KIAA1671: variants seen among roughly 807,000 people sequenced by gnomAD.
KIAA1671 encodes uncharacterized protein KIAA1671.
In KIAA1671, 52 loss-of-function variants were observed where a neutral mutation model predicts 131.2. The ratio of observed to expected loss-of-function variants is 0.40; its 90% CI spans 0.32 to 0.50. The LOEUF (loss-of-function observed/expected upper bound fraction) is 0.50. Among genes scored for constraint, KIAA1671 ranks in the 20% least tolerant of loss-of-function variants. KIAA1671 has a pLI of 0.73. For synonymous variants in KIAA1671, 1,003 were observed against 961.6 expected (o/e 1.04, Z -0.80); for missense variants, 2,360 against 2,364.2 (o/e 1.00, Z 0.04).
chr22:25,164,561 C>A (rs1933572476), intron 6 of KIAA1671, among the ~76,000 whole-genome samples: 1 of 152,198 alleles, frequency 6.6e-6, no homozygotes. Flanking sequence ...CACCTGCCTG[C>A]AGTCACTAAG....
chr22:24,995,143 C>T (rs982952999), intron 1 of KIAA1671, among the ~76,000 whole-genome samples: 2 of 151,436 alleles, frequency 1.3e-5, no homozygotes, highest in Admixed American at 6.6e-5. Context: ...CTCCGCCTCC[C>T]GGGTTCACGC....
chr22:25,080,866 G>A (rs1929366587), intron 6 of KIAA1671, among the ~76,000 whole-genome samples: 1 of 152,114 alleles, frequency 6.6e-6, no homozygotes, highest in Non-Finnish European at 1.5e-5. Context: ...CCCAAGCCTA[G>A]ACTTCCACTT....
intron 6 of KIAA1671, among the ~76,000 whole-genome samples, chr22:25,098,962 C>G (rs1174113471): frequency 6.6e-6 from 1 of 152,142 alleles, no homozygotes; most frequent in Non-Finnish European, 1.5e-5. Flanking sequence ...GAGGCGTGCT[C>G]TGCAAGTGGA....
intron 1 of KIAA1671, among the ~76,000 whole-genome samples, chr22:24,988,656 A>G (rs1923677208): frequency 6.6e-6 from 1 of 151,088 alleles, no homozygotes; most frequent in Non-Finnish European, 1.5e-5. Context: ...GAATCTCTTG[A>G]ACCTGGGAAG....
chr22:25,100,841 C>T (rs1377207659), intron 6 of KIAA1671, among the ~76,000 whole-genome samples: 2 of 152,122 alleles, frequency 1.3e-5, no homozygotes, highest in Non-Finnish European at 2.9e-5. Context: ...CTGTTGAAGT[C>T]AGAAGGATGG....
chr22:25,090,617 G>A (rs1482836931), intron 6 of KIAA1671, among the ~76,000 whole-genome samples: 1 of 152,264 alleles, frequency 6.6e-6, no homozygotes. Context: ...TTCTGCCTCT[G>A]TAAGGCAAGA....
rs1926777565 is a variant in KIAA1671, at chr22:25,039,189, A to G, written c.2059A>G (p.Thr687Ala). The G allele has an allele frequency of 2.6e-6, 4 of 1,551,938 alleles. No individual in the cohort carries two copies. The African/African-American group carries it at 4.1e-5, about 16-fold the overall frequency. ...DNPETEKLGPTTLLNGELRPY... is the reference protein window; with the variant it reads ...DNPETEKLGPATLLNGELRPY... ...TCCCGAGACGGAGAAATTGGGACCA[A>G]CCACCCTTTTGAATGGTGAACTGAG... The change falls in exon 5 of 13, where the codon ACC (threonine) becomes GCC (alanine). Residue 687 changes from threonine (T) to alanine (A), a missense_variant. By Grantham distance (58) the Thr-to-Ala change is moderately conservative (BLOSUM62 0). This residue lies in a region of KIAA1671 where 1,185 missense variants were observed against 1,126.2 expected (regional missense o/e 1.05). Transcript: ENST00000358431.
At chr22:24,971,729 G>A (rs1922625985) in intron 1 of KIAA1671, among the ~76,000 whole-genome samples, 1 of 152,080 alleles carries the variant, frequency 6.6e-6, no homozygotes, top group Non-Finnish European at 1.5e-5. Context: ...ATTTTTTTGG[G>A]GGGGTCGTGG....
Position 25,041,397 on chromosome 22 carries a change from T to A in KIAA1671, c.4267T>A (p.Ser1423Thr). The A allele has an allele frequency of 6.4e-7, 1 of 1,551,730 alleles. No homozygotes were observed. Among genetic ancestry groups the A allele is most frequent in the Non-Finnish European group, 8.7e-7 (1 of 1,147,006 alleles). ...CCCTGCCAACATCCGAGAGGGCCTG[T>A]CCATCATGCATGAAGCCAGAGAGAG... is the stretch of plus-strand genomic sequence containing the variant. ...GPPANIREGL[S>T]IMHEARERRR... Residue 1423 changes from serine to threonine, a missense_variant, in exon 5 of 13, where the codon TCC (serine) becomes ACC (threonine). This residue lies in a region of KIAA1671 where 1,161 missense variants were observed against 1,204.7 expected (regional missense o/e 0.96). Coordinates refer to ENST00000358431, the MANE Select transcript of KIAA1671 (RefSeq NM_001145206.2).
chr22:25,041,173 C>T lies in KIAA1671; in HGVS notation c.4043C>T (p.Ser1348Leu). 1.3e-6 allele frequency: 2 copies of T among 1,551,734 alleles called. No individual in the cohort carries two copies. Among genetic ancestry groups the T allele is most frequent in the South Asian group, 1.2e-5 (1 of 84,058 alleles). The change falls in exon 5 of 13, where the codon TCA becomes TTA. Residue 1348 changes from serine to leucine, a missense_variant. This residue lies in a region of KIAA1671 where 1,161 missense variants were observed against 1,204.7 expected (regional missense o/e 0.96). Transcript: ENST00000358431. ...VAKCQNYLAE[S>L]KPSGREDPGS... ...AAGTGTCAGAATTACCTGGCTGAGTCAAAGCCCTCTGGTCGGGAGGATCCA... is the reference window on the plus strand; with the variant it reads ...AAGTGTCAGAATTACCTGGCTGAGTTAAAGCCCTCTGGTCGGGAGGATCCA...
At chr22:25,155,437 G>T (rs1933197893) in intron 6 of KIAA1671, among the ~76,000 whole-genome samples, 1 of 151,752 alleles carries the variant, frequency 6.6e-6, no homozygotes, top group Admixed American at 6.6e-5. Context: ...GTGTGGGGGG[G>T]TTTTTGTAGG....
At chr22:25,021,831 G>A (rs1925686453) in intron 1 of KIAA1671, among the ~76,000 whole-genome samples, 1 of 151,532 alleles carries the variant, frequency 6.6e-6, no homozygotes, top group Non-Finnish European at 1.5e-5. Flanking sequence ...CTGTTGCCCA[G>A]GCTGGAGTGC....
chr22:24,987,891 T>G (rs1270920434), intron 1 of KIAA1671, among the ~76,000 whole-genome samples: 1 of 152,186 alleles, frequency 6.6e-6, no homozygotes, highest in Non-Finnish European at 1.5e-5. Flanking sequence ...CCTTGTAGTC[T>G]CTGACCCCTG....
At chr22:25,168,112 G>A (rs1290443405) in intron 6 of KIAA1671, among the ~76,000 whole-genome samples, 1 of 152,206 alleles carries the variant, frequency 6.6e-6, no homozygotes, top group Non-Finnish European at 1.5e-5. Context: ...CCTGAGAAGA[G>A]GCTGGCTCCC....
In KIAA1671 at chr22:25,174,119, G is replaced by A. The variant is rs907035537; in HGVS notation, c.4650-121G>A. On this transcript the variant is annotated intron_variant, in intron 7 of 12. Transcript: ENST00000358431. ...GGTCTTCTGCTGGGATGTTCTGTCTGTTGTTACTTGGCTTATAAAACATAA... is the reference window on the plus strand; with the variant it reads ...GGTCTTCTGCTGGGATGTTCTGTCTATTGTTACTTGGCTTATAAAACATAA... 3 of 1,101,380 alleles carry A rather than the reference G, an allele frequency of 2.7e-6. No individual in the cohort carries two copies. The African/African-American group carries it at 4.7e-5, about 17-fold the overall frequency. 68.2% of individuals were successfully genotyped at this position (1,101,380 alleles called of 1,614,324 possible). A position where few individuals can be genotyped will look rare whatever the true frequency, so the allele number is the denominator to read the frequency against.
chr22:24,974,118 A>G (rs1310960812), intron 1 of KIAA1671, among the ~76,000 whole-genome samples: 1 of 152,038 alleles, frequency 6.6e-6, no homozygotes, highest in East Asian at 1.9e-4. Context: ...CCTTTCAGGA[A>G]AGGATTTATC....
Position 25,197,009 on chromosome 22 carries a change from TTCTGGG to T in KIAA1671, c.*4611_*4616del. 2 of 152,272 alleles carry T rather than the reference TTCTGGG, an allele frequency of 1.3e-5. No homozygotes were observed. Among genetic ancestry groups the T allele is most frequent in the African/African-American group, 4.8e-5 (2 of 41,552 alleles). The allele number at this position is 152,272 out of a possible 1,614,324, so 9.4% of individuals were successfully genotyped here. A position where few individuals can be genotyped will look rare whatever the true frequency, so the allele number is the denominator to read the frequency against. ...ATAGTATATATTTTCCTAACCTTTC[TTCTGGG>T]TCCTTCCTCAGATCTTTGAGTCACG... On this transcript the variant is annotated 3_prime_UTR_variant, in exon 13 of 13. Coordinates refer to ENST00000358431, the MANE Select transcript of KIAA1671 (RefSeq NM_001145206.2).
rs578141307 is a variant in KIAA1671, at chr22:25,135,503, G to A, written c.4531-35317G>A. 1.2e-4 allele frequency among the ~76,000 whole-genome samples: 19 copies of A among 152,232 alleles called. No homozygotes were observed. The South Asian group carries it at 3.3e-3, about 27-fold the overall frequency. On this transcript the variant is annotated intron_variant, in intron 6 of 12. Coordinates refer to ENST00000358431, the MANE Select transcript of KIAA1671 (RefSeq NM_001145206.2). Reference sequence around the variant, plus strand: ...GCCCAGCTGATTTTGGGATTTTTGTGTGTTTCTTTGTGTAGTATTGGCTGT... The same window carrying A: ...GCCCAGCTGATTTTGGGATTTTTGTATGTTTCTTTGTGTAGTATTGGCTGT...
At chr22:25,188,791 T>C (rs916904899) in intron 11 of KIAA1671, among the ~76,000 whole-genome samples, 6 of 152,140 alleles carry the variant, frequency 3.9e-5, no homozygotes, top group African/African-American at 1.2e-4. Context: ...TTCATCCTTA[T>C]TGTTTTCCCA....
Sources: gnomAD v4.1 joint callset for allele counts (sites outside exome capture counted in the v4.1 genomes callset) on GRCh38, gnomAD v4.1.1 for gene constraint, gnomAD v4.1.1 regional missense constraint, MANE v1.5 for transcripts, NCBI Gene and HGNC (gene_info 2026-07-23, HGNC 2026-07-21) for gene names.